EIF2AK3: variants seen among roughly 807,000 people sequenced by gnomAD.
The protein encoded by EIF2AK3 is eukaryotic translation initiation factor 2 alpha kinase 3, also known as eukaryotic translation initiation factor 2-alpha kinase 3.
In EIF2AK3, 50 loss-of-function variants were observed where a neutral mutation model predicts 113.5. That is an observed-to-expected ratio of 0.44 (90% CI 0.35 to 0.56). EIF2AK3 has a LOEUF of 0.56. Ranked by LOEUF, EIF2AK3 falls within the 20% of genes least tolerant of loss-of-function variation. The probability of loss-of-function intolerance (pLI) is 0.00; values close to 1 mark genes in which losing one functional copy is unlikely to be tolerated. For missense variants in EIF2AK3, 1,185 were observed against 1,378.0 expected, an observed-to-expected ratio of 0.86 and a Z score of 2.22; for synonymous variants, 448 against 495.4, an observed-to-expected ratio of 0.90 and a Z score of 1.27.
intron 2 of EIF2AK3, among the ~76,000 whole-genome samples, chr2:88,606,000 A>G (rs1432466453): frequency 6.6e-6 from 1 of 152,202 alleles, no homozygotes; most frequent in Non-Finnish European, 1.5e-5. Context: ...CCCAAGTGAT[A>G]TGCTATATGC....
intron 12 of EIF2AK3, among the ~76,000 whole-genome samples, chr2:88,576,299 T>C (rs1674455525): frequency 6.6e-6 from 1 of 152,164 alleles, no homozygotes; most frequent in African/African-American, 2.4e-5. Flanking sequence ...AGGTTGGTCT[T>C]GAACTCCTGG....
chr2:88,588,162 A>G, intron 7 of EIF2AK3, 58 bp from the exon 8 acceptor site: 2 of 1,200,450 alleles, frequency 1.7e-6, no homozygotes, highest in Non-Finnish European at 2.3e-6. Context: ...AACTGTTATG[A>G]CTTGAATAAA....
At chr2:88,565,012 A>C (rs10198474) in intron 14 of EIF2AK3, among the ~76,000 whole-genome samples, 53 of 151,822 alleles carry the variant, frequency 3.5e-4, no homozygotes, top group African/African-American at 1.3e-3. Flanking sequence ...ATAATAATAA[A>C]TTTTTAAAAA....
intron 2 of EIF2AK3, among the ~76,000 whole-genome samples, chr2:88,602,268 T>G (rs1221391800): frequency 2.0e-5 from 3 of 152,158 alleles, no homozygotes; most frequent in African/African-American, 7.2e-5. Context: ...ATCCCAAAAA[T>G]TGTATCCAGA....
At position 88,574,990 on chromosome 2, in the gene EIF2AK3, G is replaced by T; in HGVS notation, c.2493C>A (p.Asn831Lys). The T allele has an allele frequency of 6.2e-7, 1 of 1,614,180 alleles. No individual in the cohort carries two copies. The highest frequency in any genetic ancestry group is 8.5e-7 in the Non-Finnish European group (1 of 1,180,018). Residue 831 changes from asparagine to lysine, a missense_variant, in exon 13 of 17, where the codon AAC becomes AAA. Physicochemically the swap from Asn to Lys is moderately conservative, Grantham distance 94. Around this residue, in one of 3 missense-constraint regions of EIF2AK3, gnomAD observed 877 missense variants for 1,024.2 expected, o/e 0.86. Coordinates refer to ENST00000303236, the MANE Select transcript of EIF2AK3 (RefSeq NM_004836.7). The part of the protein sequence containing the change: ...EPKTNRLHIG[N>K]HCANKLTAFK... The stretch of plus-strand genomic sequence containing the variant: ...AAGCAGTTAGTTTATTAGCACAATG[G>T]TTGCCAATATGCAATCGATTAGTTT...
rs1485204178 is a variant in EIF2AK3, at chr2:88,590,509, C to G, written c.1099G>C (p.Val367Leu). The change falls in exon 6 of 17, where the codon GTT becomes CTT. Residue 367 changes from valine (V) to leucine (L), a missense_variant. By Grantham distance (32) the Val-to-Leu change is conservative. Around this residue, in one of 3 missense-constraint regions of EIF2AK3, gnomAD observed 877 missense variants for 1,024.2 expected, o/e 0.86. Transcript: ENST00000303236. Reference sequence around the variant, plus strand: ...ACAATGTCTTCTTCATCTTCTAAAACATCATCATTAGATGTATAACTTGTA... The same window carrying G: ...ACAATGTCTTCTTCATCTTCTAAAAGATCATCATTAGATGTATAACTTGTA... The part of the protein sequence containing the change: ...DDTSYTSNDD[V>L]LEDEEDIVEA... 1 of 1,613,824 alleles carries G rather than the reference C, an allele frequency of 6.2e-7. No homozygotes were observed. The highest frequency in any genetic ancestry group is 1.7e-5 in the Admixed American group (1 of 60,008).
chr2:88,586,591 T>C (rs946413131), intron 8 of EIF2AK3, among the ~76,000 whole-genome samples: 1 of 150,700 alleles, frequency 6.6e-6, no homozygotes. Context: ...CTCTTTTATC[T>C]TGCCTTTTTT....
intron 14 of EIF2AK3, among the ~76,000 whole-genome samples, chr2:88,565,054 G>C (rs995989252): frequency 1.3e-5 from 1 of 77,984 alleles, no homozygotes; most frequent in Non-Finnish European, 2.6e-5. Context: ...TTTTTTTTTT[G>C]AGACGGAGTT....
chr2:88,625,723 G>A lies in EIF2AK3; in HGVS notation c.308+1244C>T, dbSNP rs897183386. Among the ~76,000 whole-genome samples the A allele has an allele frequency of 1.8e-4, 28 of 152,274 alleles. 1 individual carries two copies. In the East Asian group the frequency reaches 5.2e-3, roughly 28 times the overall value. ...ATTTGAATTCTAAGAAAAAGAAAAC[G>A]TCTCAACTCTACTTCATGTAATTCA... is the stretch of plus-strand genomic sequence containing the variant. On this transcript the variant is annotated intron_variant, in intron 1 of 16. Coordinates refer to ENST00000303236, the MANE Select transcript of EIF2AK3 (RefSeq NM_004836.7).
intron 2 of EIF2AK3, among the ~76,000 whole-genome samples, chr2:88,603,616 T>C (rs1156907265): frequency 6.6e-6 from 1 of 152,212 alleles, no homozygotes; most frequent in East Asian, 1.9e-4. Context: ...ATCCCTAAAA[T>C]CCTACTAAAA....
intron 7 of EIF2AK3, 81 bp from the exon 8 acceptor site, chr2:88,588,185 T>A: frequency 1.1e-6 from 1 of 931,770 alleles, no homozygotes; most frequent in Non-Finnish European, 1.6e-6. Context: ...TGCACGTGCT[T>A]AATTGAATAA....
intron 2 of EIF2AK3, among the ~76,000 whole-genome samples, chr2:88,611,231 T>C (rs1675447406): frequency 6.6e-6 from 1 of 152,190 alleles, no homozygotes; most frequent in Admixed American, 6.5e-5. Context: ...CATCCATATA[T>C]ATAGCCGGTC....
intron 15 of EIF2AK3, 81 bp from the exon 16 acceptor site, chr2:88,559,060 A>T (rs752388935): frequency 2.9e-5 from 27 of 935,218 alleles, no homozygotes; most frequent in Non-Finnish European, 4.0e-5. Context: ...TAACAAAATG[A>T]CTAAGAGGTT....
chr2:88,562,289 C>A lies in EIF2AK3; in HGVS notation c.3087G>T (p.Arg1029Ser). 1 of 1,612,812 alleles carries A rather than the reference C, an allele frequency of 6.2e-7. No homozygotes were observed. The highest frequency in any genetic ancestry group is 8.5e-7 in the Non-Finnish European group (1 of 1,179,092). Residue 1029 changes from arginine to serine, a missense_variant and splice_region_variant, in exon 15 of 17, where the codon AGG becomes AGT. Transcript: ENST00000303236. ...YPFSTQMERVRTLTDVRNLKF... is the reference protein window; with the variant it reads ...YPFSTQMERVSTLTDVRNLKF... ...TTTTTTGAGTAGGGAGGGTACTTAC[C>A]CTGACTCTCTCCATCTGAGTGCTGA...
rs1389776450 is a variant in EIF2AK3, at chr2:88,590,810, T to G, written c.1002+8A>C. 6.2e-7 allele frequency: 1 copy of G among 1,613,442 alleles called. No homozygotes were observed. The highest frequency in any genetic ancestry group is 1.7e-5 in the Admixed American group (1 of 59,994). ...ACCGTATTTTAAATCCTCAGTGGTG[T>G]TAGGTACCTGGTACTCCCATTCCAG... On this transcript the variant is annotated splice_region_variant and intron_variant, in intron 5 of 16. Coordinates refer to ENST00000303236, the MANE Select transcript of EIF2AK3 (RefSeq NM_004836.7).
intron 2 of EIF2AK3, among the ~76,000 whole-genome samples, chr2:88,611,572 T>C (rs369459829): frequency 3.9e-5 from 6 of 152,156 alleles, no homozygotes; most frequent in African/African-American, 1.2e-4. Context: ...AGGATTCTTT[T>C]CCTGCATGAA....
rs966305598 is a variant in EIF2AK3, at chr2:88,587,988, G to T, written c.1423C>A (p.Pro475Thr). ...ACTCAGTATTTTCACTTACCATATGGATACTGCAAGATTGAAAGTGCACCA... is the reference window on the plus strand; with the variant it reads ...ACTCAGTATTTTCACTTACCATATGTATACTGCAAGATTGAAAGTGCACCA... ...SNGALSILQY[P>T]YDNGYYLPYY... The change falls in exon 8 of 17, where the codon CCA (proline) becomes ACA (threonine). Residue 475 changes from proline (P) to threonine (T), a missense_variant. By Grantham distance (38) the Pro-to-Thr change is conservative. This residue lies in a region of EIF2AK3 where 877 missense variants were observed against 1,024.2 expected (regional missense o/e 0.86). Coordinates refer to ENST00000303236, the MANE Select transcript of EIF2AK3 (RefSeq NM_004836.7). 1 of 1,570,068 alleles carries T rather than the reference G, an allele frequency of 6.4e-7. No homozygotes were observed.
chr2:88,579,473 T>C (rs920685229), intron 11 of EIF2AK3, 45 bp downstream of exon 11: 1 of 1,610,678 alleles, frequency 6.2e-7, no homozygotes, highest in Non-Finnish European at 8.5e-7. Context: ...TGAGATTAGA[T>C]CACACTGTGC....
chr2:88,597,453 C>G (rs563879044), intron 2 of EIF2AK3, among the ~76,000 whole-genome samples: 1 of 152,108 alleles, frequency 6.6e-6, no homozygotes, highest in Non-Finnish European at 1.5e-5. Flanking sequence ...GACCCCAAAT[C>G]CTAAAGATCC....
Sources: allele counts gnomAD v4.1 joint callset (sites outside exome capture counted in the v4.1 genomes callset), GRCh38; gene constraint gnomAD v4.1.1; regional missense constraint gnomAD v4.1.1; transcripts MANE v1.5; gene names NCBI Gene and HGNC (gene_info 2026-07-23, HGNC 2026-07-21).